Variants in ULK1 observed in about 807,000 individuals in gnomAD.
The protein encoded by ULK1 is unc-51 like autophagy activating kinase 1, also known as serine/threonine-protein kinase ULK1.
In ULK1, 48 loss-of-function variants were observed where a neutral mutation model predicts 117.5. That is an observed-to-expected ratio of 0.41 (90% CI 0.32 to 0.52). The LOEUF (loss-of-function observed/expected upper bound fraction) is 0.52, where lower values mean the gene tolerates loss of function less well. Among genes scored for constraint, ULK1 ranks in the 20% least tolerant of loss-of-function variants. The pLI is 0.29. For synonymous variants in ULK1, 790 were observed against 637.8 expected, an observed-to-expected ratio of 1.24 and a Z score of -3.60; for missense variants, 1,387 against 1,473.4, an observed-to-expected ratio of 0.94 and a Z score of 0.96.
chr12:131,900,534 C>A (rs941801297), intron 3 of ULK1, among the ~76,000 whole-genome samples: 1 of 152,206 alleles, frequency 6.6e-6, no homozygotes, highest in Non-Finnish European at 1.5e-5. Flanking sequence ...CCCAGGAGTG[C>A]GGCCACCACA....
At position 131,902,163 on chromosome 12, in the gene ULK1, G is replaced by T. The variant is rs1247618652; in HGVS notation, c.247-4729G>T. 6.6e-6 allele frequency among the ~76,000 whole-genome samples: 1 copy of T among 152,152 alleles called. No homozygotes were observed. The highest frequency in any genetic ancestry group is 6.5e-5 in the Admixed American group (1 of 15,282). ...GGCCCTTCCTTCTTAGGGTGGAGCC[G>T]GCATCCCTTCCCTTTTGGGAGCTGT... On this transcript the variant is annotated intron_variant, in intron 3 of 27. Coordinates refer to ENST00000321867, the MANE Select transcript of ULK1 (RefSeq NM_003565.4). The surrounding 1 kb of genome is among the most constrained non-coding windows in gnomAD (Gnocchi z 6.3).
At chr12:131,920,252 C>T (rs1404030541) in intron 26 of ULK1, 116 bp downstream of exon 26, 3 of 1,355,826 alleles carry the variant, frequency 2.2e-6, no homozygotes, top group East Asian at 2.5e-5. Flanking sequence ...GGTGTCACTT[C>T]TGGAGGTCTT....
chr12:131,916,965 C>T lies in ULK1; in HGVS notation c.2085C>T (p.Thr695=), dbSNP rs753949307. ...PKGPFGRSFS[T]SRLTDLLLKA... The stretch of plus-strand genomic sequence containing the variant: ...CACACTCCCACAGGTCTTTCAGCAC[C>T]AGCCGCCTCACTGACCTGCTCCTTA... Residue 695 remains threonine (T), a synonymous_variant, in exon 21 of 28, where the codon ACC becomes ACT. Transcript: ENST00000321867. The T allele has an allele frequency of 8.7e-6, 14 of 1,610,842 alleles. No individual in the cohort carries two copies. The highest frequency in any genetic ancestry group is 1.2e-5 in the Non-Finnish European group (14 of 1,179,148).
rs1179314178 is a variant in ULK1 at position 131,902,318 on chromosome 12, C to A, written c.247-4574C>A. On this transcript the variant is annotated intron_variant, in intron 3 of 27. Coordinates refer to ENST00000321867, the MANE Select transcript of ULK1 (RefSeq NM_003565.4). The surrounding 1 kb of genome is among the most constrained non-coding windows in gnomAD (Gnocchi z 6.3). Reference sequence around the variant, plus strand: ...GCTCACCAGGCCCAGCCCAGGATCACCAGACAAGAGTAGGGCTGGCAGAGG... The same window carrying A: ...GCTCACCAGGCCCAGCCCAGGATCAACAGACAAGAGTAGGGCTGGCAGAGG... Among the ~76,000 whole-genome samples the A allele has an allele frequency of 6.6e-6, 1 of 152,196 alleles. No individual in the cohort carries two copies. Among genetic ancestry groups the A allele is most frequent in the Non-Finnish European group, 1.5e-5 (1 of 68,028 alleles).
In ULK1 at chr12:131,903,200, G is replaced by A. The variant is rs1889152686; in HGVS notation, c.247-3692G>A. 6.6e-6 allele frequency among the ~76,000 whole-genome samples: 1 copy of A among 152,196 alleles called. No individual in the cohort carries two copies. The highest frequency in any genetic ancestry group is 2.4e-5 in the African/African-American group (1 of 41,446). ...CTGGGCCTGCAGCTGCCCTGGAGGAGCTCCCCCAGCCCTGGCAGAGGTGGT... is the reference window on the plus strand; with the variant it reads ...CTGGGCCTGCAGCTGCCCTGGAGGAACTCCCCCAGCCCTGGCAGAGGTGGT... On this transcript the variant is annotated intron_variant, in intron 3 of 27. Transcript: ENST00000321867. This position sits in a 1 kb window ranked among gnomAD's most constrained non-coding sequence, Gnocchi z 6.0.
chr12:131,901,669 C>T (rs1415865528), intron 3 of ULK1, among the ~76,000 whole-genome samples: 1 of 152,220 alleles, frequency 6.6e-6, no homozygotes, highest in Non-Finnish European at 1.5e-5. Flanking sequence ...CCGTGGGTGA[C>T]AGGAGTTGGT....
rs1385130569 is a variant in ULK1 at position 131,902,792 on chromosome 12, T to C, written c.247-4100T>C. ...ACGGGACGGACCCCCGGACCCTGTC[T>C]TGGGAGGCGAGCTGCTCTGCCTGGG... On this transcript the variant is annotated intron_variant, in intron 3 of 27. Coordinates refer to ENST00000321867, the MANE Select transcript of ULK1 (RefSeq NM_003565.4). This position sits in a 1 kb window ranked among gnomAD's most constrained non-coding sequence, Gnocchi z 6.3. Among the ~76,000 whole-genome samples, 1 of 152,066 alleles carries C rather than the reference T, an allele frequency of 6.6e-6. No individual in the cohort carries two copies. The highest frequency in any genetic ancestry group is 1.5e-5 in the Non-Finnish European group (1 of 67,992).
Position 131,917,567 on chromosome 12 carries a change from T to C in ULK1, c.2326+13T>C, listed in dbSNP as rs764317177. On this transcript the variant is annotated intron_variant, in intron 22 of 27. Transcript: ENST00000321867. ...AGGATGTTCTCAGGTGAGGGCTGGC[T>C]AGGCTGAAGCCCTGTCCCTTTTGGG... 5.0e-6 allele frequency: 7 copies of C among 1,407,650 alleles called. No homozygotes were observed. In the Admixed American group the frequency reaches 8.3e-5, roughly 17 times the overall value. The allele number at this position is 1,407,650 out of a possible 1,614,324, so 87.2% of individuals were successfully genotyped here. A position where few individuals can be genotyped will look rare whatever the true frequency, so the allele number is the denominator to read the frequency against.
chr12:131,898,659 G>A (rs1414087115), intron 3 of ULK1, among the ~76,000 whole-genome samples: 4 of 151,126 alleles, frequency 2.6e-5, no homozygotes, highest in South Asian at 2.1e-4. Context: ...CTGCCACCAC[G>A]CTAGGCTAAT....
chr12:131,906,960 G>A (rs1330378810), intron 4 of ULK1, 36 bp downstream of exon 4: 1 of 1,613,802 alleles, frequency 6.2e-7, no homozygotes. Flanking sequence ...AGTGCAGGCT[G>A]ATGGCCATGG....
chr12:131,911,209 A>C (rs1889519916), intron 12 of ULK1, among the ~76,000 whole-genome samples: 1 of 152,160 alleles, frequency 6.6e-6, no homozygotes, highest in South Asian at 2.1e-4. Context: ...GGGTCTGCAG[A>C]GCACCTGAGT....
chr12:131,899,258 G>A (rs1346815847), intron 3 of ULK1, among the ~76,000 whole-genome samples: 4 of 150,020 alleles, frequency 2.7e-5, no homozygotes, highest in Non-Finnish European at 4.4e-5. Context: ...GCACCATCTC[G>A]ACTCACTGCA....
intron 8 of ULK1, 124 bp downstream of exon 8, chr12:131,909,361 G>A: frequency 1.7e-6 from 2 of 1,151,700 alleles, no homozygotes; most frequent in Non-Finnish European, 2.4e-6. Context: ...CTGGCTGGCG[G>A]GGCGGGCGTC....
chr12:131,909,328 G>A, intron 8 of ULK1, 91 bp downstream of exon 8: 3 of 1,370,946 alleles, frequency 2.2e-6, no homozygotes, highest in South Asian at 1.4e-5. Flanking sequence ...CCCTGCCCGC[G>A]CCCCACGAGC....
chr12:131,921,935 C>T lies in ULK1; in HGVS notation c.*574C>T, dbSNP rs966108553. 4.4e-6 allele frequency: 2 copies of T among 456,366 alleles called. No individual in the cohort carries two copies. Among genetic ancestry groups the T allele is most frequent in the Admixed American group, 2.3e-5 (1 of 42,554 alleles). 28.3% of individuals were successfully genotyped at this position (456,366 alleles called of 1,614,324 possible). A position where few individuals can be genotyped will look rare whatever the true frequency, so the allele number is the denominator to read the frequency against. ...GTGTTTGTACATACACATATGCAGA[C>T]ACATGCCAGGGCCCCCCAAGCCCGA... is the stretch of plus-strand genomic sequence containing the variant. On this transcript the variant is annotated 3_prime_UTR_variant, in exon 28 of 28. Coordinates refer to ENST00000321867, the MANE Select transcript of ULK1 (RefSeq NM_003565.4).
At chr12:131,909,643 G>A (rs963797993) in intron 8 of ULK1, 132 bp from the exon 9 acceptor site, 3 of 959,394 alleles carry the variant, frequency 3.1e-6, no homozygotes, top group Admixed American at 3.0e-5. Context: ...AAACAGCCGC[G>A]CTAGCACCCG....
intron 13 of ULK1, among the ~76,000 whole-genome samples, 167 bp from the exon 14 acceptor site, chr12:131,913,031 C>A: frequency 6.6e-6 from 1 of 152,326 alleles, no homozygotes; most frequent in South Asian, 2.1e-4. Context: ...AGGGAGGATG[C>A]AGCCTGGACT....
chr12:131,917,123 G>GTCGGGAGGAGC lies in ULK1; in HGVS notation c.2182+65_2182+66insGAGGAGCTCGG, dbSNP rs1555265428. 7 of 248,382 alleles carry GTCGGGAGGAGC rather than the reference G, an allele frequency of 2.8e-5. 1 individual carries two copies. In the African/African-American group the frequency reaches 6.2e-4, roughly 22 times the overall value. 15.4% of individuals were successfully genotyped at this position (248,382 alleles called of 1,614,324 possible). ...GGGGGTCGGAGGCTGTGGGATGGGG[G>GTCGGGAGGAGC]TCGGAGGCTGTGGGATGGGGGTCGG... is the stretch of plus-strand genomic sequence containing the variant. On this transcript the variant is annotated intron_variant, in intron 21 of 27. Coordinates refer to ENST00000321867, the MANE Select transcript of ULK1 (RefSeq NM_003565.4).
intron 8 of ULK1, 117 bp from the exon 9 acceptor site, chr12:131,909,657 TC>T (rs956075423): frequency 3.7e-6 from 4 of 1,090,980 alleles, no homozygotes; most frequent in East Asian, 5.4e-5. Flanking sequence ...GCACCCGGTT[TC>T]CCCCGGGCTT....
Sources: gnomAD v4.1 joint callset for allele counts (sites outside exome capture counted in the v4.1 genomes callset) on GRCh38, gnomAD v4.1.1 for gene constraint, Gnocchi (gnomAD v3.1) non-coding constraint, MANE v1.5 for transcripts, NCBI Gene and HGNC (gene_info 2026-07-23, HGNC 2026-07-21) for gene names.